GRM8: variants seen among roughly 807,000 people sequenced by gnomAD.
The protein encoded by GRM8 is glutamate metabotropic receptor 8.
A neutral mutation model predicts 87.2 loss-of-function variants in GRM8; 47 were observed. The observed-to-expected ratio is 0.54, with a 90% CI of 0.43 to 0.69. GRM8 has a LOEUF of 0.69. Among genes scored for constraint, GRM8 ranks in the 30% least tolerant of loss-of-function variants. The pLI, the probability that GRM8 is intolerant of heterozygous loss-of-function variation, is 0.00. For missense variants in GRM8, 1,019 were observed against 1,139.2 expected, an observed-to-expected ratio of 0.89 and a Z score of 1.52; for synonymous variants, 396 against 404.5, an observed-to-expected ratio of 0.98 and a Z score of 0.25.
intron 3 of GRM8, among the ~76,000 whole-genome samples, chr7:127,032,287 C>G (rs961502228): frequency 6.6e-6 from 1 of 152,188 alleles, no homozygotes; most frequent in Non-Finnish European, 1.5e-5. Flanking sequence ...CTCACACTTT[C>G]TACTTTAGCG....
chr7:127,193,364 C>T (rs1224032929), intron 2 of GRM8, among the ~76,000 whole-genome samples: 2 of 152,156 alleles, frequency 1.3e-5, no homozygotes, highest in Non-Finnish European at 2.9e-5. Flanking sequence ...ACACCATTGA[C>T]CCAAGCATAT....
chr7:126,641,858 T>C lies in GRM8; in HGVS notation c.1358-32360A>G, dbSNP rs117026370. Among the ~76,000 whole-genome samples the C allele has an allele frequency of 4.1e-3, 626 of 152,190 alleles. 20 individuals are homozygous for C. In the East Asian group the frequency reaches 0.078, roughly 19 times the overall value. ...CAAAGGTATGAGGATCCAAAGCACA[T>C]GTCTCTTGTGGCAAAATTGTTCTTT... is the stretch of plus-strand genomic sequence containing the variant. On this transcript the variant is annotated intron_variant, in intron 7 of 10. Transcript: ENST00000339582.
chr7:127,082,832 C>A (rs910060431), intron 3 of GRM8, among the ~76,000 whole-genome samples: 1 of 152,186 alleles, frequency 6.6e-6, no homozygotes, highest in Admixed American at 6.5e-5. Flanking sequence ...ACCTTGTTTA[C>A]AGATGTGGCA....
intron 3 of GRM8, among the ~76,000 whole-genome samples, chr7:127,034,220 A>G (rs1252472348): frequency 6.6e-6 from 1 of 152,224 alleles, no homozygotes; most frequent in Non-Finnish European, 1.5e-5. Flanking sequence ...GCCTGCAGAA[A>G]AGCCTTAATT....
chr7:126,758,494 A>C (rs546972326), intron 7 of GRM8, among the ~76,000 whole-genome samples: 3 of 152,270 alleles, frequency 2.0e-5, no homozygotes, highest in African/African-American at 7.2e-5. Context: ...AGTGATCACA[A>C]GGGCAAACAG....
rs199887587 is a variant in GRM8, at chr7:126,533,196, C to T, written c.2186G>A (p.Arg729Gln). ...PHIIIDYGEQ[R>Q]TLDPEKARGV... ...CCTGGCCTTCTCTGGATCTAGTGTC[C>T]GCTGCTCTCCATAGTCAATGATGAT... Residue 729 changes from arginine to glutamine, a missense_variant, in exon 9 of 11, where the codon CGG becomes CAG. By Grantham distance (43) the Arg-to-Gln change is conservative. Coordinates refer to ENST00000339582, the MANE Select transcript of GRM8 (RefSeq NM_000845.3). 96 of 1,612,398 alleles carry T rather than the reference C, an allele frequency of 6.0e-5. No individual in the cohort carries two copies. The highest frequency in any genetic ancestry group is 2.2e-4 in the Admixed American group (13 of 59,832).
intron 6 of GRM8, among the ~76,000 whole-genome samples, chr7:126,889,123 A>G (rs1800758940): frequency 6.6e-6 from 1 of 152,168 alleles, no homozygotes; most frequent in Non-Finnish European, 1.5e-5. Flanking sequence ...TCAATAGTTT[A>G]GCTATAGAGC....
chr7:127,062,282 C>A (rs1262264230), intron 3 of GRM8, among the ~76,000 whole-genome samples: 1 of 152,126 alleles, frequency 6.6e-6, no homozygotes, highest in Non-Finnish European at 1.5e-5. Flanking sequence ...CCCAGCAAAT[C>A]TGGGGAAACA....
intron 6 of GRM8, among the ~76,000 whole-genome samples, chr7:126,772,253 T>A (rs1003686012): frequency 2.0e-5 from 3 of 152,124 alleles, no homozygotes; most frequent in African/African-American, 7.2e-5. Context: ...TGGTTGCTTA[T>A]GAACAAAGAG....
intron 1 of GRM8, among the ~76,000 whole-genome samples, chr7:127,250,199 C>T (rs1006114555): frequency 7.9e-5 from 12 of 152,192 alleles, no homozygotes; most frequent in Admixed American, 5.9e-4. Context: ...TAAACAAGCC[C>T]CGCAGCAGCT....
chr7:127,207,675 C>A (rs926817773), intron 2 of GRM8, among the ~76,000 whole-genome samples: 3 of 152,146 alleles, frequency 2.0e-5, no homozygotes, highest in Admixed American at 6.5e-5. Context: ...CCCAGAGAAA[C>A]CTTAGAAACT....
chr7:127,087,083 C>T (rs1405523394), intron 3 of GRM8, among the ~76,000 whole-genome samples: 1 of 152,216 alleles, frequency 6.6e-6, no homozygotes, highest in South Asian at 2.1e-4. Context: ...AATGCCTTTG[C>T]TGCTAGGTGC....
chr7:127,132,991 G>A (rs1827768941), intron 2 of GRM8, among the ~76,000 whole-genome samples: 1 of 152,204 alleles, frequency 6.6e-6, no homozygotes, highest in Non-Finnish European at 1.5e-5. Flanking sequence ...AACAAGCTGG[G>A]CACAGTGGCA....
rs1237933456 is a variant in GRM8 at position 126,867,496 on chromosome 7, A to G, written c.1156+35046T>C. Among the ~76,000 whole-genome samples the G allele has an allele frequency of 9.8e-5, 15 of 152,364 alleles. No individual in the cohort carries two copies. In the East Asian group the frequency reaches 2.3e-3, roughly 24 times the overall value. On this transcript the variant is annotated intron_variant, in intron 6 of 10. Transcript: ENST00000339582. The stretch of plus-strand genomic sequence containing the variant: ...TGATGTCAATATTTTCAAGTAATGA[A>G]TCACCAGCAAAGAAGAAAAAGCAGA...
At chr7:126,640,452 G>C (rs1031984295) in intron 7 of GRM8, among the ~76,000 whole-genome samples, 1 of 152,128 alleles carries the variant, frequency 6.6e-6, no homozygotes, top group African/African-American at 2.4e-5. Context: ...TGTTTGAGAT[G>C]AAATCAACTA....
intron 2 of GRM8, among the ~76,000 whole-genome samples, chr7:127,119,488 T>C (rs965388676): frequency 6.6e-5 from 10 of 150,692 alleles, no homozygotes; most frequent in Non-Finnish European, 1.3e-4. Flanking sequence ...CCTGTCTCTC[T>C]CTCTCTCTCT....
intron 9 of GRM8, among the ~76,000 whole-genome samples, chr7:126,471,016 T>C (rs1805133651): frequency 6.6e-6 from 1 of 152,242 alleles, no homozygotes; most frequent in African/African-American, 2.4e-5. Context: ...CTCATGTCCT[T>C]CGCCCACTTT....
At chr7:127,200,541 G>T (rs922483313) in intron 2 of GRM8, among the ~76,000 whole-genome samples, 1 of 152,140 alleles carries the variant, frequency 6.6e-6, no homozygotes, top group Non-Finnish European at 1.5e-5. Flanking sequence ...ACAGCAATTT[G>T]TTATCTCACA....
chr7:127,080,654 A>C (rs1415151344), intron 3 of GRM8: 1 of 152,180 alleles, frequency 6.6e-6, no homozygotes, highest in Non-Finnish European at 1.5e-5. Context: ...CTCTTAAAAA[A>C]AAAAATGGAG....
Sources: gnomAD v4.1 joint callset for allele counts (sites outside exome capture counted in the v4.1 genomes callset) on GRCh38, gnomAD v4.1.1 for gene constraint, MANE v1.5 for transcripts, NCBI Gene and HGNC (gene_info 2026-07-23, HGNC 2026-07-21) for gene names.